ERAP2: variants seen among roughly 807,000 people sequenced by gnomAD.
ERAP2 encodes the protein leukocyte-derived arginine aminopeptidase.
ERAP2 carries 118 observed loss-of-function variants against 111.1 expected under a neutral mutation model. The observed-to-expected ratio is 1.06, with a 90% CI of 0.92 to 1.24. ERAP2 has a LOEUF of 1.24. Among genes scored for constraint, ERAP2 ranks in the 50% most tolerant of loss-of-function variants. The pLI is 0.00. For synonymous variants in ERAP2, 410 were observed against 401.2 expected (o/e 1.02, Z -0.26); for missense variants, 1,131 against 1,125.8 (o/e 1.00, Z -0.07).
Position 96,917,654 on chromosome 5 carries a change from C to T in ERAP2, c.*49C>T. On this transcript the variant is annotated 3_prime_UTR_variant, in exon 19 of 19. Coordinates refer to ENST00000437043, the MANE Select transcript of ERAP2 (RefSeq NM_022350.5). ...GGGCGCGGTGGCTCACGCCTGTAAT[C>T]CCAGCACTTTGGGAGGCTGAGAAGG... 3.3e-6 allele frequency: 5 copies of T among 1,496,114 alleles called. No individual in the cohort carries two copies. Among genetic ancestry groups the T allele is most frequent in the Non-Finnish European group, 4.5e-6 (5 of 1,100,506 alleles). 92.7% of individuals were successfully genotyped at this position (1,496,114 alleles called of 1,614,324 possible). A position where few individuals can be genotyped will look rare whatever the true frequency, so the allele number is the denominator to read the frequency against.
chr5:96,913,922 C>A lies in ERAP2; in HGVS notation c.2657+465C>A, dbSNP rs1243048436. On this transcript the variant is annotated intron_variant, in intron 17 of 18. Coordinates refer to ENST00000437043, the MANE Select transcript of ERAP2 (RefSeq NM_022350.5). ...CCTGTGGAGGTGGCACAGTGGAGACCTTGGTTCAGGTGAAAGAAACCTAGT... is the reference window on the plus strand; with the variant it reads ...CCTGTGGAGGTGGCACAGTGGAGACATTGGTTCAGGTGAAAGAAACCTAGT... 2.0e-5 allele frequency among the ~76,000 whole-genome samples: 3 copies of A among 152,166 alleles called. No individual in the cohort carries two copies. In the East Asian group the frequency reaches 5.8e-4, roughly 29 times the overall value.
In ERAP2 at chr5:96,889,274, C is replaced by G. The variant is rs1308164245; in HGVS notation, c.939C>G (p.Tyr313Ter). ...AGCTACTTGATTTTTATGAAAAGTACTTTGATATCTACTATCCACTCTCCA... is the reference window on the plus strand; with the variant it reads ...AGCTACTTGATTTTTATGAAAAGTAGTTTGATATCTACTATCCACTCTCCA... ...SLKLLDFYEKYFDIYYPLSKL... is the reference protein window; with the variant it reads ...SLKLLDFYEK Residue 313 changes from tyrosine (Y) to a stop codon, truncating the protein, a stop_gained, in exon 5 of 19, where the codon TAC (tyrosine) becomes TAG (stop). Coordinates refer to ENST00000437043, the MANE Select transcript of ERAP2 (RefSeq NM_022350.5). LOFTEE classifies it high-confidence loss of function. The G allele has an allele frequency of 6.2e-7, 1 of 1,613,742 alleles. No homozygotes were observed. Among genetic ancestry groups the G allele is most frequent in the South Asian group, 1.1e-5 (1 of 91,088 alleles).
rs139846343 is a variant in ERAP2, at chr5:96,889,375, CTCTT to C, written c.970+74_970+77del. 2,351 of 1,538,294 alleles carry C rather than the reference CTCTT, an allele frequency of 1.5e-3. 35 individuals are homozygous for C. The African/African-American group carries it at 0.027, about 18-fold the overall frequency. The stretch of plus-strand genomic sequence containing the variant: ...ACTTGCTTTGATCTCTTCCCTCTTT[CTCTT>C]TCTATGTGATTTAAATGAGCACTGA... On this transcript the variant is annotated intron_variant, in intron 5 of 18. Coordinates refer to ENST00000437043, the MANE Select transcript of ERAP2 (RefSeq NM_022350.5).
chr5:96,894,103 T>C (rs1479422315), intron 6 of ERAP2, among the ~76,000 whole-genome samples: 1 of 152,220 alleles, frequency 6.6e-6, no homozygotes, highest in Admixed American at 6.5e-5. Flanking sequence ...CCATCATTTG[T>C]ATTGAGGCAG....
At chr5:96,917,380 C>T in intron 18 of ERAP2, 82 bp from the exon 19 acceptor site, 10 of 1,406,316 alleles carry the variant, frequency 7.1e-6, no homozygotes, top group Middle Eastern at 2.4e-4. Context: ...CTTGGCCTCC[C>T]GAAGTGCTGG....
chr5:96,891,369 G>A (rs199803879), intron 5 of ERAP2, among the ~76,000 whole-genome samples: 23 of 34,388 alleles, frequency 6.7e-4, no homozygotes, highest in Admixed American at 4.4e-3. Flanking sequence ...ATATATATAT[G>A]TGTATATATA....
chr5:96,901,546 T>C lies in ERAP2; in HGVS notation c.1613T>C (p.Met538Thr), dbSNP rs753590582. Reference sequence around the variant, plus strand: ...GAAAATGCAGAGGTCAAAGAGATGATGACTACATGGACTCTCCAGAAAGGA... The same window carrying C: ...GAAAATGCAGAGGTCAAAGAGATGACGACTACATGGACTCTCCAGAAAGGA... Reference protein sequence around the residue: ...LGENAEVKEMMTTWTLQKGIP... With the variant: ...LGENAEVKEMTTTWTLQKGIP... The change falls in exon 11 of 19, where the codon ATG (methionine) becomes ACG (threonine). Residue 538 changes from methionine to threonine, a missense_variant. Physicochemically the swap from Met to Thr is moderately conservative, Grantham distance 81. Coordinates refer to ENST00000437043, the MANE Select transcript of ERAP2 (RefSeq NM_022350.5). The C allele has an allele frequency of 1.2e-6, 2 of 1,613,858 alleles. No individual in the cohort carries two copies. The highest frequency in any genetic ancestry group is 1.3e-5 in the African/African-American group (1 of 74,906).
rs1554057627 is a variant in ERAP2, at chr5:96,896,966, T to TCA, written c.1503+103_1503+104insCA. Reference sequence around the variant, plus strand: ...GCTATATATTGTCAGTCAACCATATTTATTCTGCTTGCTATGTTGTCATGG... The same window carrying TCA: ...GCTATATATTGTCAGTCAACCATATTCATATTCTGCTTGCTATGTTGTCATGG... On this transcript the variant is annotated intron_variant, in intron 9 of 18. Coordinates refer to ENST00000437043, the MANE Select transcript of ERAP2 (RefSeq NM_022350.5). The TCA allele has an allele frequency of 7.5e-3, 3,263 of 435,696 alleles. 4 individuals carry two copies. Among genetic ancestry groups the TCA allele is most frequent in the South Asian group, 9.9e-3 (162 of 16,382 alleles). The allele number at this position is 435,696 out of a possible 1,614,324, so 27.0% of individuals were successfully genotyped here.
chr5:96,891,519 CCATATACG>C (rs1561371996), intron 5 of ERAP2, among the ~76,000 whole-genome samples: 2 of 27,486 alleles, frequency 7.3e-5, no homozygotes, highest in East Asian at 1.1e-3. Flanking sequence ...ATATATATGC[CCATATACG>C]GTATATATAC....
At chr5:96,900,086 C>T (rs1785286553) in intron 9 of ERAP2, 35 bp from the exon 10 acceptor site, 5 of 1,612,672 alleles carry the variant, frequency 3.1e-6, no homozygotes, top group Non-Finnish European at 4.2e-6. Context: ...CTAATGATGC[C>T]TACATTGCAG....
intron 5 of ERAP2, 156 bp downstream of exon 5, chr5:96,889,461 T>C: frequency 2.4e-6 from 2 of 845,390 alleles, no homozygotes; most frequent in Non-Finnish European, 4.0e-6. Context: ...TTCTTGAGTG[T>C]AGAAAATAAA....
At chr5:96,895,450 T>A in intron 7 of ERAP2, 91 bp downstream of exon 7, 1 of 913,720 alleles carries the variant, frequency 1.1e-6, no homozygotes, top group Non-Finnish European at 1.7e-6. Context: ...ACAGAAAAAC[T>A]ACATAATGTT....
intron 6 of ERAP2, 72 bp downstream of exon 6, chr5:96,892,525 T>C (rs112382612): frequency 6.4e-7 from 1 of 1,554,238 alleles, no homozygotes; most frequent in Middle Eastern, 1.7e-4. Flanking sequence ...CCAATCTTCC[T>C]GAAACAAAAT....
chr5:96,890,492 A>G (rs6556942), intron 5 of ERAP2, among the ~76,000 whole-genome samples: 93,944 of 151,992 alleles, frequency 0.62, 29,167 homozygotes, highest in Middle Eastern at 0.74. Context: ...CCGCAGCCCT[A>G]GGGTTAGGGA....
At chr5:96,913,605 G>A in intron 17 of ERAP2, 148 bp downstream of exon 17, 2 of 916,918 alleles carry the variant, frequency 2.2e-6, no homozygotes, top group Non-Finnish European at 3.4e-6. Flanking sequence ...AAACTCCCTA[G>A]CCCAAATTAT....
intron 15 of ERAP2, among the ~76,000 whole-genome samples, chr5:96,912,136 A>C (rs1355911870): frequency 1.3e-5 from 2 of 148,226 alleles, no homozygotes; most frequent in East Asian, 3.9e-4. Flanking sequence ...GCCTGCAGTG[A>C]GCCCAGATCG....
chr5:96,903,359 C>T lies in ERAP2; in HGVS notation c.1829-18C>T. 6.3e-7 allele frequency: 1 copy of T among 1,584,274 alleles called. No individual in the cohort carries two copies. Among genetic ancestry groups the T allele is most frequent in the Non-Finnish European group, 8.6e-7 (1 of 1,166,184 alleles). Reference sequence around the variant, plus strand: ...GTTTGTTGATAATAAAATGCCTATGCCAATCTTATCCTCTTAGATACTCTG... The same window carrying T: ...GTTTGTTGATAATAAAATGCCTATGTCAATCTTATCCTCTTAGATACTCTG... On this transcript the variant is annotated intron_variant, in intron 12 of 18. Coordinates refer to ENST00000437043, the MANE Select transcript of ERAP2 (RefSeq NM_022350.5).
chr5:96,894,428 C>A (rs1784664476), intron 6 of ERAP2, among the ~76,000 whole-genome samples: 1 of 152,104 alleles, frequency 6.6e-6, no homozygotes, highest in African/African-American at 2.4e-5. Flanking sequence ...GTAACTATAA[C>A]CAGGCTCTTC....
intron 5 of ERAP2, among the ~76,000 whole-genome samples, chr5:96,890,104 A>C (rs1049552689): frequency 1.3e-5 from 2 of 152,176 alleles, no homozygotes; most frequent in African/African-American, 2.4e-5. Flanking sequence ...ATGAGATGAT[A>C]CTCATAGTCT....
Sources: allele counts gnomAD v4.1 joint callset (sites outside exome capture counted in the v4.1 genomes callset), GRCh38; gene constraint gnomAD v4.1.1; transcripts MANE v1.5; gene names NCBI Gene and HGNC (gene_info 2026-07-23, HGNC 2026-07-21).